The following GSE1 variants were observed in gnomAD, a reference collection of about 807,000 sequenced individuals.
GSE1 encodes Gse1 coiled-coil protein, also known as genetic suppressor element 1.
In GSE1, 32 loss-of-function variants were observed where a neutral mutation model predicts 112.6. The observed-to-expected ratio is 0.28, with a 90% confidence interval of 0.21 to 0.38. The LOEUF is 0.38. Among genes scored for constraint, GSE1 ranks in the 10% least tolerant of loss-of-function variants. GSE1 has a pLI of 1.00. For synonymous variants in GSE1, 1,115 were observed against 735.6 expected, an observed-to-expected ratio of 1.52 and a Z score of -8.35; for missense variants, 2,348 against 1,699.2, an observed-to-expected ratio of 1.38 and a Z score of -6.71.
chr16:85,453,624 T>A (rs1269135981), intron 2 of GSE1, among the ~76,000 whole-genome samples: 2 of 152,174 alleles, frequency 1.3e-5, no homozygotes, highest in Non-Finnish European at 2.9e-5. Context: ...CCTCACCCCA[T>A]GAGACCAGGC....
chr16:85,270,122 C>T (rs900036716), intron 1 of GSE1, among the ~76,000 whole-genome samples: 1 of 149,016 alleles, frequency 6.7e-6, no homozygotes, highest in African/African-American at 2.4e-5. Flanking sequence ...GGCTTCACTC[C>T]TCTGGGGTCA....
In GSE1 at chr16:85,393,005, C is replaced by T. The variant is rs185199566; in HGVS notation, c.2464+35362C>T. Among the ~76,000 whole-genome samples the T allele has an allele frequency of 1.2e-4, 18 of 152,328 alleles. No homozygotes were observed. In the East Asian group the frequency reaches 1.9e-3, roughly 16 times the overall value. On this transcript the variant is annotated intron_variant, in intron 2 of 2. Coordinates refer to the GSE1 transcript ENST00000637419. ...TCGGCCTCCTCCCTCACATAAGGACCGCAGGCTGGTCAGAGGGAGGAGGAT... is the reference window on the plus strand; with the variant it reads ...TCGGCCTCCTCCCTCACATAAGGACTGCAGGCTGGTCAGAGGGAGGAGGAT...
intron 1 of GSE1, among the ~76,000 whole-genome samples, chr16:85,565,113 C>T (rs867967735): frequency 3.3e-5 from 5 of 152,056 alleles, no homozygotes; most frequent in East Asian, 1.9e-4. Flanking sequence ...CCAACTTGGC[C>T]GGGCACGGTG....
At chr16:85,218,888 C>T (rs2075345929) in intron 1 of GSE1, among the ~76,000 whole-genome samples, 2 of 151,630 alleles carry the variant, frequency 1.3e-5, no homozygotes, top group Non-Finnish European at 2.9e-5. Flanking sequence ...GCGGATTTTT[C>T]TTTTTTTTTG....
intron 1 of GSE1, among the ~76,000 whole-genome samples, chr16:85,631,949 G>A (rs537252739): frequency 5.1e-4 from 77 of 152,390 alleles, no homozygotes; most frequent in African/African-American, 1.8e-3. Flanking sequence ...GGCCAGGCCC[G>A]CCTTGGGGGC....
chr16:85,633,471 T>G (rs2049718423), intron 1 of GSE1, among the ~76,000 whole-genome samples: 1 of 152,234 alleles, frequency 6.6e-6, no homozygotes, highest in Admixed American at 6.5e-5. Context: ...GCAGTTGTCT[T>G]GGTTCCCGTC....
chr16:85,630,463 G>C (rs911331560), intron 1 of GSE1, among the ~76,000 whole-genome samples: 4 of 152,112 alleles, frequency 2.6e-5, no homozygotes, highest in Admixed American at 2.0e-4. Context: ...CCCAAACAGC[G>C]GAGATTACAG....
intron 1 of GSE1, among the ~76,000 whole-genome samples, chr16:85,600,370 G>T (rs1296800970): frequency 6.6e-6 from 1 of 152,154 alleles, no homozygotes; most frequent in East Asian, 1.9e-4. Context: ...CCAAGGGGAG[G>T]GGCTGGGAAG....
intron 2 of GSE1, among the ~76,000 whole-genome samples, chr16:85,496,339 G>A (rs112730922): frequency 0.051 from 7,625 of 148,928 alleles, 418 homozygotes; most frequent in East Asian, 0.29. Context: ...GAGCGATGGC[G>A]TTTGCATGGC....
At chr16:85,366,586 A>G (rs1169109858) in intron 2 of GSE1, among the ~76,000 whole-genome samples, 1 of 152,198 alleles carries the variant, frequency 6.6e-6, no homozygotes, top group Non-Finnish European at 1.5e-5. Flanking sequence ...AATATTTAGC[A>G]GGGACTTTTA....
At chr16:85,618,992 CTG>C (rs755946906) in intron 1 of GSE1, among the ~76,000 whole-genome samples, 62 of 152,358 alleles carry the variant, frequency 4.1e-4, no homozygotes, top group Admixed American at 4.6e-4. Context: ...TTCCAAGGCT[CTG>C]TTCCCCTACG....
At chr16:85,654,553 C>A (rs1329763948) in intron 4 of GSE1, 103 bp downstream of exon 4, 4 of 1,045,474 alleles carry the variant, frequency 3.8e-6, no homozygotes, top group African/African-American at 1.6e-5. Context: ...TGAGGCTGTG[C>A]CTGCTAGATG....
intron 2 of GSE1, among the ~76,000 whole-genome samples, chr16:85,502,565 T>C (rs2051405711): frequency 6.6e-6 from 1 of 152,208 alleles, no homozygotes; most frequent in South Asian, 2.1e-4. Context: ...AGCCAAGGCC[T>C]CCACCTGGTG....
chr16:85,556,019 C>T, exon 1 of GSE1: 1 of 985,068 alleles, frequency 1.0e-6, no homozygotes, highest in Non-Finnish European at 1.2e-6. Context: ...GACACCCGGG[C>T]AGCCGTGGAG....
chr16:85,269,282 G>A (rs1211136947), intron 1 of GSE1, among the ~76,000 whole-genome samples: 3 of 149,432 alleles, frequency 2.0e-5, no homozygotes, highest in African/African-American at 7.3e-5. Context: ...AGCATCCCAC[G>A]TCCTTCCCCT....
At chr16:85,500,045 T>C (rs2051309136) in intron 2 of GSE1, among the ~76,000 whole-genome samples, 1 of 152,172 alleles carries the variant, frequency 6.6e-6, no homozygotes, top group Admixed American at 6.5e-5. Flanking sequence ...GTTTCTGCAG[T>C]AAAATCATGA....
chr16:85,491,877 G>A (rs1447385970), intron 2 of GSE1, among the ~76,000 whole-genome samples: 50 of 152,312 alleles, frequency 3.3e-4, no homozygotes, highest in Non-Finnish European at 1.0e-4. Context: ...GGGGGTGGCT[G>A]TGGCCTGTGT....
intron 2 of GSE1, among the ~76,000 whole-genome samples, chr16:85,431,023 A>G (rs1305908641): frequency 1.3e-5 from 2 of 152,154 alleles, no homozygotes; most frequent in African/African-American, 4.8e-5. Context: ...AGGGTTTTTT[A>G]AAGCTCCCCA....
chr16:85,315,352 A>G (rs1007049345), intron 1 of GSE1, among the ~76,000 whole-genome samples: 1 of 152,084 alleles, frequency 6.6e-6, no homozygotes, highest in Non-Finnish European at 1.5e-5. Context: ...TTTGCTTACA[A>G]ATAGGGTTCA....
Sources: allele counts gnomAD v4.1 joint callset (sites outside exome capture counted in the v4.1 genomes callset), GRCh38; gene constraint gnomAD v4.1.1; transcripts MANE v1.5; gene names NCBI Gene and HGNC (gene_info 2026-07-23, HGNC 2026-07-21).